Variants in NOTCH1 observed in about 807,000 individuals in gnomAD.
NOTCH1 encodes neurogenic locus notch homolog protein 1.
In NOTCH1, 37 loss-of-function variants were observed where a neutral mutation model predicts 254.8. The observed-to-expected ratio is 0.15, with a 90% CI of 0.11 to 0.19. The LOEUF is 0.19. NOTCH1 is among the 10% of genes least tolerant of loss of function. NOTCH1 has a pLI of 1.00. For synonymous variants in NOTCH1, 1,731 were observed against 1,618.1 expected (o/e 1.07, Z -1.68); for missense variants, 2,972 against 3,708.6 (o/e 0.80, Z 5.16).
chr9:136,504,822 C>T lies in NOTCH1; in HGVS notation c.4869G>A (p.Glu1623=), dbSNP rs2133336332. Residue 1623 remains glutamate, a synonymous_variant, in exon 26 of 34, where the codon GAG becomes GAA. Transcript: ENST00000651671. ...TGATGGGGTGCTTGCGCAGCTCCTC[C>T]TCGCGGCCGTAGTAGGGGAAGATCA... The part of the protein sequence containing the change: ...QQMIFPYYGR[E]EELRKHPIKR... 6.4e-7 allele frequency: 1 copy of T among 1,571,152 alleles called. No homozygotes were observed. The highest frequency in any genetic ancestry group is 8.6e-7 in the Non-Finnish European group (1 of 1,158,580).
At position 136,533,106 on chromosome 9, in the gene NOTCH1, G is replaced by A. The variant is rs927808754; in HGVS notation, c.141-9127C>T. Among the ~76,000 whole-genome samples, 25 of 44,796 alleles carry A rather than the reference G, an allele frequency of 5.6e-4. 9 individuals are homozygous for A. Among genetic ancestry groups the A allele is most frequent in the Admixed American group, 4.7e-3 (22 of 4,652 alleles). The allele number at this position is 44,796 out of a possible 152,430, so 29.4% of individuals were successfully genotyped here. ...ATGTGGACCCTGGACACTCAGCCCC[G>A]CCCGGCCTCCCCACCTGGCTCTCCG... On this transcript the variant is annotated intron_variant, in intron 2 of 33. Coordinates refer to ENST00000651671, the MANE Select transcript of NOTCH1 (RefSeq NM_017617.5).
intron 2 of NOTCH1, 89 bp downstream of exon 2, chr9:136,543,935 A>G: frequency 8.0e-7 from 1 of 1,249,548 alleles, no homozygotes. Context: ...CCAGAAGACA[A>G]TGGCCTAGTG....
At position 136,508,867 on chromosome 9, in the gene NOTCH1, C is replaced by T. The variant is rs1431447273; in HGVS notation, c.3171+3G>A. 3.9e-6 allele frequency: 6 copies of T among 1,543,072 alleles called. No individual in the cohort carries two copies. Among genetic ancestry groups the T allele is most frequent in the African/African-American group, 1.4e-5 (1 of 73,014 alleles). Reference sequence around the variant, plus strand: ...CGGGCACCTCTGTGGCCGGCGCACTCACCTGGCAGTTGGGGCCAGTGTAGC... The same window carrying T: ...CGGGCACCTCTGTGGCCGGCGCACTTACCTGGCAGTTGGGGCCAGTGTAGC... On this transcript the variant is annotated splice_donor_region_variant and intron_variant, in intron 19 of 33. Transcript: ENST00000651671.
Position 136,499,119 on chromosome 9 carries a change from A to G in NOTCH1, c.6075T>C (p.Asp2025=), listed in dbSNP as rs1190253357. The G allele has an allele frequency of 1.2e-6, 2 of 1,613,042 alleles. No individual in the cohort carries two copies. The highest frequency in any genetic ancestry group is 2.7e-5 in the African/African-American group (2 of 74,946). The change falls in exon 32 of 34, where the codon GAT becomes GAC. Residue 2025 remains aspartate (D), a synonymous_variant. Coordinates refer to ENST00000651671, the MANE Select transcript of NOTCH1 (RefSeq NM_017617.5). The part of the protein sequence containing the change: ...INSHADVNAV[D]DLGKSALHWA... ...GTGCCCCCGTGGGCTCACCCAGGTC[A>G]TCTACGGCGTTGACGTCGGCGTGTG... is the stretch of plus-strand genomic sequence containing the variant.
At position 136,508,266 on chromosome 9, in the gene NOTCH1, G is replaced by A. The variant is rs1234909362; in HGVS notation, c.3291C>T (p.Pro1097=). The A allele has an allele frequency of 1.2e-6, 2 of 1,612,738 alleles. No homozygotes were observed. The highest frequency in any genetic ancestry group is 3.3e-5 in the Admixed American group (2 of 60,024). ...SGWTGLYCDV[P]SVSCEVAAQR... ...GCGCAGCCACCTCACAGGACACGCT[G>A]GGCACGTCGCAGTAAAGGCCGGTCC... The change falls in exon 20 of 34, where the codon CCC becomes CCT. Residue 1097 remains proline, a synonymous_variant. Transcript: ENST00000651671.
chr9:136,526,878 G>A (rs1843468896), intron 2 of NOTCH1, among the ~76,000 whole-genome samples: 1 of 152,226 alleles, frequency 6.6e-6, no homozygotes, highest in Non-Finnish European at 1.5e-5. Context: ...AGCGGGTGGG[G>A]CAGGAGCCCC....
chr9:136,511,682 G>T (rs1462472186), intron 15 of NOTCH1, among the ~76,000 whole-genome samples: 1 of 152,242 alleles, frequency 6.6e-6, no homozygotes, highest in African/African-American at 2.4e-5. Flanking sequence ...GACGAGGAAA[G>T]GCCCTGGCCT....
chr9:136,518,352 A>G (rs1247142861), intron 6 of NOTCH1, 60 bp from the exon 7 acceptor site: 1 of 1,558,322 alleles, frequency 6.4e-7, no homozygotes, highest in African/African-American at 1.4e-5. Flanking sequence ...CACACCACCC[A>G]CGGCTGGGGT....
chr9:136,497,532 G>C lies in NOTCH1; in HGVS notation c.6207C>G (p.Ala2069=). ...TGGCGGTCTCGTAGCTGCCCTCCCGGGCGGCCAGAAACAGGGGTGTCTCCT... is the reference window on the plus strand; with the variant it reads ...TGGCGGTCTCGTAGCTGCCCTCCCGCGCGGCCAGAAACAGGGGTGTCTCCT... ...NREETPLFLA[A]REGSYETAKV... is the part of the protein sequence containing the mutation. Residue 2069 remains alanine, a synonymous_variant, in exon 34 of 34, where the codon GCC becomes GCG. Transcript: ENST00000651671. 6.2e-7 allele frequency: 1 copy of C among 1,607,332 alleles called. No homozygotes were observed.
chr9:136,498,877 G>C (rs1368751354), intron 33 of NOTCH1, 22 bp downstream of exon 33: 1 of 1,612,266 alleles, frequency 6.2e-7, no homozygotes, highest in Non-Finnish European at 8.5e-7. Flanking sequence ...CGTCTCCCCT[G>C]GCATCCCAGC....
intron 27 of NOTCH1, chr9:136,502,858 CTCT>C (rs747061389): frequency 1.7e-6 from 1 of 588,684 alleles, no homozygotes. Context: ...TTCTCTCTCT[CTCT>C]TTTTTTTTCT....
chr9:136,524,639 C>CTTTTTTTTTTT (rs869128901), intron 2 of NOTCH1, among the ~76,000 whole-genome samples: 145 of 54,300 alleles, frequency 2.7e-3, no homozygotes, highest in East Asian at 5.2e-3. Flanking sequence ...TTTTTCTTTT[C>CTTTTTTTTTTT]TTTTTTTTTT....
intron 4 of NOTCH1, 112 bp from the exon 5 acceptor site, chr9:136,519,677 TG>T: frequency 6.5e-7 from 1 of 1,547,592 alleles, no homozygotes; most frequent in Non-Finnish European, 8.9e-7. Context: ...GGCCCTGCCC[TG>T]GGGCCCCCGG....
chr9:136,534,776 T>A (rs1186245243), intron 2 of NOTCH1, among the ~76,000 whole-genome samples: 1 of 151,822 alleles, frequency 6.6e-6, no homozygotes, highest in African/African-American at 2.4e-5. Context: ...GGTGTGGATG[T>A]CAGAGGCAAA....
At chr9:136,514,014 T>C (rs538366186) in intron 13 of NOTCH1, among the ~76,000 whole-genome samples, 3 of 152,190 alleles carry the variant, frequency 2.0e-5, no homozygotes, top group South Asian at 2.1e-4. Flanking sequence ...TACCCAAGAC[T>C]GCGGCAGGGG....
At chr9:136,535,573 G>GC (rs1843637064) in intron 2 of NOTCH1, among the ~76,000 whole-genome samples, 1 of 53,564 alleles carries the variant, frequency 1.9e-5, no homozygotes, top group African/African-American at 1.2e-4. Context: ...GTGGGTGGAG[G>GC]GGGGAGCACT....
rs2133342759 is a variant in NOTCH1 at position 136,506,618 on chromosome 9, A to G, written c.3923T>C (p.Ile1308Thr). 6.2e-7 allele frequency: 1 copy of G among 1,610,614 alleles called. No individual in the cohort carries two copies. The highest frequency in any genetic ancestry group is 2.2e-5 in the East Asian group (1 of 44,828). The change falls in exon 24 of 34, where the codon ATC (isoleucine) becomes ACC (threonine). Residue 1308 changes from isoleucine (I) to threonine (T), a missense_variant. Ile to Thr is a moderately conservative substitution (Grantham distance 89). Coordinates refer to ENST00000651671, the MANE Select transcript of NOTCH1 (RefSeq NM_017617.5). This position sits in a 1 kb window ranked among gnomAD's most constrained non-coding sequence, Gnocchi z 4.5. The stretch of plus-strand genomic sequence containing the variant: ...GCAGGGCTTGCCTTTGCAGCCATTG[A>G]TGACGGACTCGCAGCGGCGCCCTAG... ...GHTGRRCESV[I>T]NGCKGKPCKN...
Position 136,519,537 on chromosome 9 carries a change from A to ATT in NOTCH1, c.769_770dup (p.Asn257LysfsTer21). ...AGTTGTTTCCTGGACAATCGTCGAT[A>ATT]TTTTCCTCACAGTTCTGGCCGGTGA... On this transcript the variant is annotated frameshift_variant, in exon 5 of 34. Coordinates refer to ENST00000651671, the MANE Select transcript of NOTCH1 (RefSeq NM_017617.5). LOFTEE classifies it high-confidence loss of function. The ATT allele has an allele frequency of 6.2e-7, 1 of 1,612,794 alleles. No homozygotes were observed. Among genetic ancestry groups the ATT allele is most frequent in the Non-Finnish European group, 8.5e-7 (1 of 1,179,916 alleles).
chr9:136,505,866 T>C lies in NOTCH1; in HGVS notation c.4030A>G (p.Thr1344Ala), dbSNP rs2133341278. The C allele has an allele frequency of 6.3e-7, 1 of 1,592,248 alleles. No individual in the cohort carries two copies. The highest frequency in any genetic ancestry group is 1.1e-5 in the South Asian group (1 of 90,122). Residue 1344 changes from threonine (T) to alanine (A), a missense_variant, in exon 25 of 34, where the codon ACG becomes GCG. Around this residue, in one of 8 missense-constraint regions of NOTCH1, gnomAD observed 1,343 missense variants for 1,557.0 expected, o/e 0.86. Coordinates refer to ENST00000651671, the MANE Select transcript of NOTCH1 (RefSeq NM_017617.5). ...CKCPAGFEGA[T>A]CENDARTCGS... is the part of the protein sequence containing the mutation. ...CAGGTACGAGCGTCATTCTCACACG[T>C]GGCGCCCTCGAAGCCCTGCCCGAGA...
Sources: gnomAD v4.1 joint callset for allele counts (sites outside exome capture counted in the v4.1 genomes callset) on GRCh38, gnomAD v4.1.1 for gene constraint, gnomAD v4.1.1 regional missense constraint, Gnocchi (gnomAD v3.1) non-coding constraint, MANE v1.5 for transcripts, NCBI Gene and HGNC (gene_info 2026-07-23, HGNC 2026-07-21) for gene names.